EYS: variants seen among roughly 807,000 people sequenced by gnomAD.
EYS encodes EGF-like photoreceptor maintenance factor.
EYS carries 250 observed loss-of-function variants against 282.1 expected under a neutral mutation model. The observed-to-expected ratio is 0.89, with a 90% CI of 0.80 to 0.98. The LOEUF (loss-of-function observed/expected upper bound fraction) is 0.98. EYS is among the 50% of genes least tolerant of loss of function. The pLI is 0.00. For synonymous variants in EYS, 1,355 were observed against 1,282.9 expected (o/e 1.06, Z -1.20); for missense variants, 4,016 against 3,709.0 (o/e 1.08, Z -2.15).
intron 12 of EYS, among the ~76,000 whole-genome samples, chr6:65,219,431 C>T (rs1277785428): frequency 6.6e-6 from 1 of 152,044 alleles, no homozygotes; most frequent in East Asian, 1.9e-4. Context: ...GCCAAGTCTG[C>T]TTGTAAAGAT....
intron 30 of EYS, among the ~76,000 whole-genome samples, chr6:64,239,716 C>A (rs930396680): frequency 6.6e-6 from 1 of 151,858 alleles, no homozygotes; most frequent in Non-Finnish European, 1.5e-5. Context: ...CCTGTTCACT[C>A]TGATGAGAGT....
intron 22 of EYS, among the ~76,000 whole-genome samples, chr6:64,726,716 T>C (rs181953048): frequency 6.6e-6 from 1 of 152,214 alleles, no homozygotes; most frequent in East Asian, 1.9e-4. Context: ...TTCACATGAG[T>C]GATAGTAATA....
At chr6:65,676,810 T>C (rs1768617864) in intron 1 of EYS, among the ~76,000 whole-genome samples, 1 of 151,748 alleles carries the variant, frequency 6.6e-6, no homozygotes, top group Non-Finnish European at 1.5e-5. Context: ...CTCTGAAATT[T>C]CCTAGCAAAC....
intron 26 of EYS, among the ~76,000 whole-genome samples, chr6:64,442,587 G>T (rs1465582381): frequency 6.6e-6 from 1 of 152,030 alleles, no homozygotes; most frequent in Non-Finnish European, 1.5e-5. Flanking sequence ...AGGAAAATGT[G>T]ATTTTGTGGG....
chr6:65,059,728 G>T (rs1037636794), intron 12 of EYS, among the ~76,000 whole-genome samples: 2 of 152,102 alleles, frequency 1.3e-5, no homozygotes, highest in African/African-American at 4.8e-5. Flanking sequence ...GAGGTAACAA[G>T]AGAAGCACCT....
chr6:65,680,323 C>CT (rs1356396181), intron 1 of EYS, among the ~76,000 whole-genome samples: 1 of 151,880 alleles, frequency 6.6e-6, no homozygotes, highest in Non-Finnish European at 1.5e-5. Context: ...AAGTTCCAAC[C>CT]ACTTTCAACA....
chr6:64,403,479 C>G (rs978386434), intron 28 of EYS, among the ~76,000 whole-genome samples: 2 of 152,040 alleles, frequency 1.3e-5, no homozygotes, highest in Non-Finnish European at 2.9e-5. Context: ...GCCTCAGCCT[C>G]CCAAGTAGCT....
chr6:64,959,321 T>C (rs1769833469), intron 14 of EYS, among the ~76,000 whole-genome samples: 1 of 152,236 alleles, frequency 6.6e-6, no homozygotes, highest in Non-Finnish European at 1.5e-5. Context: ...TTGTAGAATG[T>C]GTTATTATTG....
At chr6:64,031,472 C>T (rs911612346) in intron 33 of EYS, among the ~76,000 whole-genome samples, 3 of 152,244 alleles carry the variant, frequency 2.0e-5, no homozygotes, top group Non-Finnish European at 4.4e-5. Flanking sequence ...CTTCATGGCA[C>T]GCAGTCCCAT....
At chr6:64,615,489 G>C (rs990889603) in intron 24 of EYS, among the ~76,000 whole-genome samples, 3 of 151,856 alleles carry the variant, frequency 2.0e-5, no homozygotes, top group African/African-American at 7.3e-5. Context: ...TGATAATTCA[G>C]CAGATTATTT....
chr6:65,360,373 T>TA (rs1272162253), intron 8 of EYS, among the ~76,000 whole-genome samples: 2 of 151,998 alleles, frequency 1.3e-5, no homozygotes, highest in East Asian at 1.9e-4. Flanking sequence ...ATTATTTAAA[T>TA]AAAAAAATTA....
chr6:63,886,017 G>A (rs1468794780), intron 35 of EYS, among the ~76,000 whole-genome samples: 1 of 152,060 alleles, frequency 6.6e-6, no homozygotes, highest in East Asian at 1.9e-4. Context: ...ATTTCTTATG[G>A]TATGGCTTCA....
chr6:65,055,626 C>T (rs1308105225), intron 13 of EYS, among the ~76,000 whole-genome samples: 1 of 151,936 alleles, frequency 6.6e-6, no homozygotes, highest in Non-Finnish European at 1.5e-5. Flanking sequence ...TTGAAAGTTT[C>T]TCAGACTTTT....
intron 22 of EYS, among the ~76,000 whole-genome samples, chr6:64,776,136 A>T (rs1463203304): frequency 1.3e-5 from 2 of 152,086 alleles, no homozygotes; most frequent in Non-Finnish European, 2.9e-5. Flanking sequence ...TTAGAAAGAG[A>T]GCATTTGAAA....
At chr6:65,587,906 T>C (rs1765110117) in intron 2 of EYS, among the ~76,000 whole-genome samples, 1 of 152,122 alleles carries the variant, frequency 6.6e-6, no homozygotes. Flanking sequence ...GATTTGAAAT[T>C]ACTACGCTTT....
chr6:64,662,674 A>G lies in EYS; in HGVS notation c.3444-36429T>C, dbSNP rs188922781. Among the ~76,000 whole-genome samples the G allele has an allele frequency of 3.2e-4, 49 of 152,290 alleles. 1 individual carries two copies. In the East Asian group the frequency reaches 8.9e-3, roughly 28 times the overall value. ...AATCAAATTTAGCCTTGCTTCGCTC[A>G]TAGATTTTTTTTGTTTAGACTATGT... On this transcript the variant is annotated intron_variant, in intron 22 of 42. Transcript: ENST00000503581.
At chr6:65,069,651 T>C (rs1241812746) in intron 12 of EYS, among the ~76,000 whole-genome samples, 3 of 151,946 alleles carry the variant, frequency 2.0e-5, no homozygotes, top group African/African-American at 7.2e-5. Context: ...GCCTCAGCTT[T>C]GGTCATGGGC....
At position 65,460,074 on chromosome 6, in the gene EYS, TACAC is replaced by T. The variant is rs71002308; in HGVS notation, c.862+30516_862+30519del. Reference sequence around the variant, plus strand: ...ATGTGTGTATATATGTATATATGTATACACACACACACACACACACACACATACA... The same window carrying T: ...ATGTGTGTATATATGTATATATGTATACACACACACACACACACACATACA... On this transcript the variant is annotated intron_variant, in intron 5 of 42. Transcript: ENST00000503581. Among the ~76,000 whole-genome samples the T allele has an allele frequency of 3.9e-3, 523 of 135,314 alleles. 3 individuals are homozygous for T. The highest frequency in any genetic ancestry group is 0.012 in the African/African-American group (437 of 37,482). 88.8% of individuals were successfully genotyped at this position (135,314 alleles called of 152,430 possible).
At chr6:64,958,707 C>G (rs1583332229) in intron 14 of EYS, among the ~76,000 whole-genome samples, 1 of 120,836 alleles carries the variant, frequency 8.3e-6, no homozygotes, top group South Asian at 2.8e-4. Flanking sequence ...AGCACTCCAG[C>G]CTGGGCGACA....
Sources: gnomAD v4.1 joint callset for allele counts (sites outside exome capture counted in the v4.1 genomes callset) on GRCh38, gnomAD v4.1.1 for gene constraint, MANE v1.5 for transcripts, NCBI Gene and HGNC (gene_info 2026-07-23, HGNC 2026-07-21) for gene names.